The following ECSCR variants were observed in gnomAD, a reference collection of about 807,000 sequenced individuals.
ECSCR encodes the protein endothelial cell-specific chemotaxis regulator.
In ECSCR, 12 loss-of-function variants were observed where a neutral mutation model predicts 16.7. The ratio of observed to expected loss-of-function variants is 0.72; its 90% CI spans 0.46 to 1.17. ECSCR has a LOEUF of 1.17. Ranked by LOEUF, ECSCR falls within the 50% of genes most tolerant of loss-of-function variation. The pLI is 0.00. For synonymous variants in ECSCR, 44 were observed against 42.2 expected (o/e 1.04, Z -0.17); for missense variants, 122 against 116.1 (o/e 1.05, Z -0.23).
chr5:139,460,165 G>A (rs548356046), intron 1 of ECSCR, among the ~76,000 whole-genome samples: 88 of 149,642 alleles, frequency 5.9e-4, no homozygotes, highest in Non-Finnish European at 9.9e-4. Context: ...ACAGAGTTTC[G>A]CTCTTGGTCA....
At chr5:139,458,055 A>C in intron 2 of ECSCR, 84 bp downstream of exon 2, 1 of 1,433,152 alleles carries the variant, frequency 7.0e-7, no homozygotes, top group East Asian at 2.5e-5. Flanking sequence ...CCTGAGGTTA[A>C]GGCTAAATTG....
At chr5:139,462,282 T>C (rs1349922412) in intron 1 of ECSCR, among the ~76,000 whole-genome samples, 2 of 152,134 alleles carry the variant, frequency 1.3e-5, no homozygotes, top group East Asian at 3.8e-4. Context: ...GTGAGGGTCA[T>C]GAGTAGCCTG....
intron 2 of ECSCR, 48 bp from the exon 3 acceptor site, chr5:139,457,855 C>G: frequency 6.4e-7 from 1 of 1,554,730 alleles, no homozygotes; most frequent in Non-Finnish European, 8.7e-7. Context: ...TCCTACTGTT[C>G]CATCTCCCTC....
In ECSCR at chr5:139,458,063, T is replaced by C. The variant is rs1054621680; in HGVS notation, c.106+76A>G. 6 of 1,462,972 alleles carry C rather than the reference T, an allele frequency of 4.1e-6. No homozygotes were observed. In the African/African-American group the frequency reaches 5.6e-5, roughly 14 times the overall value. The allele number at this position is 1,462,972 out of a possible 1,614,324, so 90.6% of individuals were successfully genotyped here. A position where few individuals can be genotyped will look rare whatever the true frequency, so the allele number is the denominator to read the frequency against. On this transcript the variant is annotated intron_variant, in intron 2 of 9. Transcript: ENST00000618155. ...CCAGCCCCCTGAGGTTAAGGCTAAA[T>C]TGGCATAGAGCTCCTCTCACCCTTC... is the stretch of plus-strand genomic sequence containing the variant.
rs1751185024 is a variant in ECSCR, at chr5:139,457,540, A to G, written c.217+5T>C. The G allele has an allele frequency of 1.3e-6, 1 of 783,950 alleles. No homozygotes were observed. The highest frequency in any genetic ancestry group is 2.4e-6 in the Non-Finnish European group (1 of 420,866). The allele number at this position is 783,950 out of a possible 1,614,324, so 48.6% of individuals were successfully genotyped here. A position where few individuals can be genotyped will look rare whatever the true frequency, so the allele number is the denominator to read the frequency against. On this transcript the variant is annotated splice_donor_5th_base_variant and intron_variant, in intron 4 of 9. Transcript: ENST00000618155. ...ATGGCATTTGTAGTCTGAATGACAC[A>G]GTACCTGGGGTACCAGTGCTGGACA...
At chr5:139,451,992 G>T in intron 8 of ECSCR, among the ~76,000 whole-genome samples, 1 of 148,860 alleles carries the variant, frequency 6.7e-6, no homozygotes, top group Admixed American at 6.7e-5. Flanking sequence ...GGTGCATGGG[G>T]TGTATGTGGT....
chr5:139,452,357 G>GT (rs1751080046), intron 8 of ECSCR, among the ~76,000 whole-genome samples: 1 of 151,688 alleles, frequency 6.6e-6, no homozygotes. Context: ...TGTGGGGTGT[G>GT]GTGTGTGTGA....
intron 7 of ECSCR, 71 bp from the exon 8 acceptor site, chr5:139,454,709 C>A (rs1751119026): frequency 5.0e-6 from 2 of 398,272 alleles, no homozygotes; most frequent in Non-Finnish European, 4.4e-6. Context: ...CCTCTCAAAG[C>A]CCACCTGGGG....
intron 2 of ECSCR, 151 bp downstream of exon 2, chr5:139,457,988 G>C: frequency 2.6e-6 from 3 of 1,144,174 alleles, no homozygotes; most frequent in Non-Finnish European, 3.8e-6. Context: ...AAAATCCTTA[G>C]ATGAGCTCAG....
intron 6 of ECSCR, 39 bp downstream of exon 6, chr5:139,455,284 G>A (rs2055027801): frequency 5.1e-6 from 2 of 395,002 alleles, no homozygotes; most frequent in Non-Finnish European, 8.9e-6. Context: ...CCAGGGGTAG[G>A]GGTTCCTCCT....
At chr5:139,449,283 A>AGATT in intron 8 of ECSCR, 109 bp from the exon 9 acceptor site, 1 of 772,764 alleles carries the variant, frequency 1.3e-6, no homozygotes, top group Non-Finnish European at 2.1e-6. Context: ...AAAAATCTAT[A>AGATT]TTTTGGTGGT....
At chr5:139,451,209 G>A (rs1012944244) in intron 8 of ECSCR, among the ~76,000 whole-genome samples, 50 of 149,356 alleles carry the variant, frequency 3.3e-4, no homozygotes, top group Non-Finnish European at 6.1e-4. Context: ...GGGTGTGTGT[G>A]GTATGGGGTG....
chr5:139,451,392 G>A (rs1751045113), intron 8 of ECSCR, among the ~76,000 whole-genome samples: 1 of 151,036 alleles, frequency 6.6e-6, no homozygotes, highest in African/African-American at 2.4e-5. Flanking sequence ...GTGTGGGTTT[G>A]TGGTGTGTGT....
At chr5:139,449,458 C>T (rs374814334) in intron 8 of ECSCR, among the ~76,000 whole-genome samples, 35 of 152,056 alleles carry the variant, frequency 2.3e-4, no homozygotes, top group African/African-American at 7.5e-4. Context: ...CTGCCTCAGC[C>T]TCCTGAGTAG....
At chr5:139,454,002 TG>T (rs1416871976) in intron 8 of ECSCR, among the ~76,000 whole-genome samples, 4 of 137,164 alleles carry the variant, frequency 2.9e-5, no homozygotes, top group African/African-American at 8.3e-5. Flanking sequence ...TGAGGTGTGT[TG>T]GGGTGTGTGT....
chr5:139,455,583 T>C, intron 5 of ECSCR, 147 bp from the exon 6 acceptor site: 2 of 382,076 alleles, frequency 5.2e-6, no homozygotes, highest in Non-Finnish European at 9.3e-6. Context: ...GAGCTGTCTG[T>C]ATTGTGCCAG....
In ECSCR at chr5:139,462,709, G is replaced by C. The variant is rs1219856438; in HGVS notation, c.-39C>G. On this transcript the variant is annotated 5_prime_UTR_variant, in exon 1 of 10. Transcript: ENST00000618155. ...GTGGCGGGCAGGCAGCAGCTCAGTGGAGGCTCTGTCCATAGTGGAGAAGAG... is the reference window on the plus strand; with the variant it reads ...GTGGCGGGCAGGCAGCAGCTCAGTGCAGGCTCTGTCCATAGTGGAGAAGAG... 6.6e-7 allele frequency: 1 copy of C among 1,524,428 alleles called. No homozygotes were observed. The highest frequency in any genetic ancestry group is 8.9e-7 in the Non-Finnish European group (1 of 1,129,142). The allele number at this position is 1,524,428 out of a possible 1,614,324, so 94.4% of individuals were successfully genotyped here.
chr5:139,461,997 G>C (rs1252128462), intron 1 of ECSCR, among the ~76,000 whole-genome samples: 1 of 152,178 alleles, frequency 6.6e-6, no homozygotes, highest in Non-Finnish European at 1.5e-5. Context: ...CTGTCAGAGA[G>C]GTGCCATTTC....
At chr5:139,458,328 T>TG (rs1191738335) in intron 1 of ECSCR, 145 bp from the exon 2 acceptor site, 1 of 691,008 alleles carries the variant, frequency 1.4e-6, no homozygotes, top group East Asian at 2.8e-5. Flanking sequence ...TTGTTTTGTT[T>TG]TTTTTTTTTT....
Sources: gnomAD v4.1 joint callset for allele counts (sites outside exome capture counted in the v4.1 genomes callset) on GRCh38, gnomAD v4.1.1 for gene constraint, MANE v1.5 for transcripts, NCBI Gene and HGNC (gene_info 2026-07-23, HGNC 2026-07-21) for gene names.